Variants in DOCK10 observed in about 807,000 individuals in gnomAD.
DOCK10 encodes the protein dedicator of cytokinesis 10, also known as dedicator of cytokinesis protein 10.
DOCK10 carries 145 observed loss-of-function variants against 280.1 expected under a neutral mutation model. The ratio of observed to expected loss-of-function variants is 0.52; its 90% CI spans 0.45 to 0.59. The LOEUF (loss-of-function observed/expected upper bound fraction) is 0.59. DOCK10 is among the 20% of genes least tolerant of loss of function. DOCK10 has a pLI of 0.00. For missense variants in DOCK10, 2,368 were observed against 2,651.7 expected (o/e 0.89, Z 2.35); for synonymous variants, 915 against 942.2 (o/e 0.97, Z 0.53).
intron 1 of DOCK10, among the ~76,000 whole-genome samples, chr2:225,036,971 G>A (rs1224819748): frequency 6.7e-6 from 1 of 149,960 alleles, no homozygotes; most frequent in Non-Finnish European, 1.5e-5. Context: ...CATCTCACAT[G>A]CATCTTTGTA....
At chr2:224,792,871 T>G in intron 47 of DOCK10, 103 bp downstream of exon 47, 3 of 868,476 alleles carry the variant, frequency 3.5e-6, no homozygotes, top group East Asian at 2.7e-5. Context: ...CTGAGACAGT[T>G]TTTGCTTCTA....
intron 1 of DOCK10, among the ~76,000 whole-genome samples, chr2:225,008,928 T>C (rs1689353567): frequency 6.6e-6 from 1 of 152,226 alleles, no homozygotes; most frequent in Admixed American, 6.5e-5. Flanking sequence ...TCTCATAAGC[T>C]GTGTCTGATT....
At chr2:224,956,381 G>T (rs1704033816) in intron 1 of DOCK10, among the ~76,000 whole-genome samples, 1 of 152,074 alleles carries the variant, frequency 6.6e-6, no homozygotes, top group African/African-American at 2.4e-5. Flanking sequence ...CCAGAACTTT[G>T]GGAGGCCAAA....
At chr2:224,792,239 T>C (rs2125111109) in intron 47 of DOCK10, among the ~76,000 whole-genome samples, 1 of 152,316 alleles carries the variant, frequency 6.6e-6, no homozygotes, top group East Asian at 1.9e-4. Context: ...ATGCTGATTA[T>C]AAAGTCCTAC....
At position 224,789,435 on chromosome 2, in the gene DOCK10, A is replaced by G. The variant is rs919803608; in HGVS notation, c.5312-265T>C. Among the ~76,000 whole-genome samples the G allele has an allele frequency of 5.3e-4, 80 of 152,190 alleles. 1 individual carries two copies. The highest frequency in any genetic ancestry group is 1.9e-3 in the African/African-American group (78 of 41,462). ...GATAGAACATAAGATTCGTGGGTAG[A>G]TGTTGCGGTTCCAATCTTCTGGTTT... On this transcript the variant is annotated intron_variant, in intron 47 of 55. Transcript: ENST00000258390.
chr2:224,854,631 G>A (rs1054256437), intron 16 of DOCK10, among the ~76,000 whole-genome samples: 16 of 152,126 alleles, frequency 1.1e-4, no homozygotes, highest in African/African-American at 3.1e-4. Context: ...GAAACCCTCC[G>A]GGGTTTTGAG....
chr2:224,806,551 A>G (rs1298828865), intron 33 of DOCK10, among the ~76,000 whole-genome samples: 1 of 152,134 alleles, frequency 6.6e-6, no homozygotes, highest in Non-Finnish European at 1.5e-5. Context: ...TATTACCATG[A>G]GTTATCTTAT....
At chr2:225,010,109 G>A (rs574655439) in intron 1 of DOCK10, among the ~76,000 whole-genome samples, 2 of 152,294 alleles carry the variant, frequency 1.3e-5, no homozygotes, top group South Asian at 2.1e-4. Context: ...TTCTGAGGGT[G>A]TGTGGGGCCT....
Position 224,865,027 on chromosome 2 carries a change from C to A in DOCK10, c.1318G>T (p.Ala440Ser). The A allele has an allele frequency of 6.2e-7, 1 of 1,613,942 alleles. No individual in the cohort carries two copies. The highest frequency in any genetic ancestry group is 8.5e-7 in the Non-Finnish European group (1 of 1,179,884). Residue 440 changes from alanine (A) to serine (S), a missense_variant, in exon 12 of 56, where the codon GCT (alanine) becomes TCT (serine). By Grantham distance (99) the Ala-to-Ser change is moderately conservative. Around this residue, in one of 2 missense-constraint regions of DOCK10, gnomAD observed 1,209 missense variants for 1,250.9 expected, o/e 0.97. Coordinates refer to ENST00000258390, the MANE Select transcript of DOCK10 (RefSeq NM_014689.3). ...YDLRDSRKIS[A>S]DFHVDLNHAA... The stretch of plus-strand genomic sequence containing the variant: ...TGGTTTAGATCCACATGAAAATCAG[C>A]AGAAATCTTCCTGCTGTCTCTGAGG...
intron 50 of DOCK10, among the ~76,000 whole-genome samples, chr2:224,784,084 T>C (rs1244005175): frequency 1.3e-5 from 2 of 152,174 alleles, no homozygotes; most frequent in Non-Finnish European, 2.9e-5. Context: ...ATTTTGGACA[T>C]GGCTTGTTCT....
chr2:225,035,542 TTATATATATATATATATATATATA>T lies in DOCK10; in HGVS notation c.123+6686_123+6709del, dbSNP rs57424275. ...TAGATCTTATATGATATGATATATATTATATATATATATATATATATATATATATATATATATATATATATAACA... is the reference window on the plus strand; with the variant it reads ...TAGATCTTATATGATATGATATATATTATATATATATATATATATATAACA... On this transcript the variant is annotated intron_variant, in intron 1 of 55. Transcript: ENST00000258390. 3.2e-4 allele frequency among the ~76,000 whole-genome samples: 16 copies of T among 50,028 alleles called. 1 individual carries two copies. The highest frequency in any genetic ancestry group is 7.5e-4 in the African/African-American group (10 of 13,358). The allele number at this position is 50,028 out of a possible 152,430, so 32.8% of individuals were successfully genotyped here.
chr2:224,905,048 A>T (rs562308661), intron 3 of DOCK10, among the ~76,000 whole-genome samples: 14 of 152,226 alleles, frequency 9.2e-5, no homozygotes, highest in Admixed American at 7.2e-4. Flanking sequence ...TTTCTCCTGA[A>T]TTAATTAAAT....
At chr2:224,821,664 A>G (rs1257525903) in intron 28 of DOCK10, among the ~76,000 whole-genome samples, 1 of 152,036 alleles carries the variant, frequency 6.6e-6, no homozygotes, top group Non-Finnish European at 1.5e-5. Context: ...TTTTTTAGAG[A>G]CTTGCTTATT....
Position 224,773,155 on chromosome 2 carries a change from A to G in DOCK10, c.6204+2T>C. ...TCTCAGCCCTGGGCAATGCTTACTC[A>G]CCTTCACGCTGACACTTCCTTGCAG... is the stretch of plus-strand genomic sequence containing the variant. On this transcript the variant is annotated splice_donor_variant, in intron 53 of 55. Coordinates refer to ENST00000258390, the MANE Select transcript of DOCK10 (RefSeq NM_014689.3). LOFTEE classifies it high-confidence loss of function. The G allele has an allele frequency of 6.2e-7, 1 of 1,606,704 alleles. No individual in the cohort carries two copies.
At chr2:224,899,845 T>A (rs1215393650) in intron 3 of DOCK10, among the ~76,000 whole-genome samples, 2 of 152,228 alleles carry the variant, frequency 1.3e-5, no homozygotes, top group East Asian at 3.8e-4. Flanking sequence ...AACCAGTGTA[T>A]ATTCTAAGTT....
chr2:224,805,353 A>G lies in DOCK10; in HGVS notation c.3937-33T>C. 1 of 1,612,738 alleles carries G rather than the reference A, an allele frequency of 6.2e-7. No homozygotes were observed. ...TTCAAGAACCAATCAGGATTGAGTG[A>G]GAGTGAGTGACCTCTGCCTTGTAAT... On this transcript the variant is annotated intron_variant, in intron 35 of 55. Coordinates refer to ENST00000258390, the MANE Select transcript of DOCK10 (RefSeq NM_014689.3). The surrounding 1 kb of genome is among the most constrained non-coding windows in gnomAD (Gnocchi z 4.3).
intron 3 of DOCK10, among the ~76,000 whole-genome samples, chr2:224,915,276 T>G (rs1049132887): frequency 2.0e-5 from 3 of 152,218 alleles, no homozygotes; most frequent in Non-Finnish European, 4.4e-5. Flanking sequence ...CCCTACTGTA[T>G]GCTAAGACTT....
chr2:224,967,860 T>C (rs1176759643), intron 1 of DOCK10, among the ~76,000 whole-genome samples: 1 of 152,178 alleles, frequency 6.6e-6, no homozygotes, highest in Non-Finnish European at 1.5e-5. Context: ...TATTTTATAC[T>C]GGTATGCAGT....
chr2:225,033,823 C>T (rs145855703), intron 1 of DOCK10, among the ~76,000 whole-genome samples: 1 of 152,296 alleles, frequency 6.6e-6, no homozygotes, highest in African/African-American at 2.4e-5. Flanking sequence ...TGTAATGTTG[C>T]AACCCAACCA....
Sources: gnomAD v4.1 joint callset for allele counts (sites outside exome capture counted in the v4.1 genomes callset) on GRCh38, gnomAD v4.1.1 for gene constraint, gnomAD v4.1.1 regional missense constraint, Gnocchi (gnomAD v3.1) non-coding constraint, MANE v1.5 for transcripts, NCBI Gene and HGNC (gene_info 2026-07-23, HGNC 2026-07-21) for gene names.